PDE1C: variants seen among roughly 807,000 people sequenced by gnomAD.
The protein encoded by PDE1C is phosphodiesterase 1C.
PDE1C carries 62 observed loss-of-function variants against 93.1 expected under a neutral mutation model. That is an observed-to-expected ratio of 0.67 (90% CI 0.54 to 0.82). PDE1C has a LOEUF of 0.82. Ranked by LOEUF, PDE1C falls within the 40% of genes least tolerant of loss-of-function variation. The pLI is 0.00. For missense variants in PDE1C, 742 were observed against 884.6 expected, an observed-to-expected ratio of 0.84 and a Z score of 2.04; for synonymous variants, 325 against 310.1, an observed-to-expected ratio of 1.05 and a Z score of -0.50.
At chr7:31,735,896 C>T in the PDE1C span, among the ~76,000 whole-genome samples, 1 of 152,176 alleles carries the variant, frequency 6.6e-6, no homozygotes, top group Non-Finnish European at 1.5e-5. Flanking sequence ...GCTCAAGTCT[C>T]TTATATAAAG....
chr7:31,713,584 C>T, the PDE1C span, among the ~76,000 whole-genome samples: 3 of 152,184 alleles, frequency 2.0e-5, no homozygotes, highest in Admixed American at 6.5e-5. Context: ...GGCTCCAACC[C>T]CACATTTCCC....
chr7:31,681,933 A>T, the PDE1C span, among the ~76,000 whole-genome samples: 1 of 152,164 alleles, frequency 6.6e-6, no homozygotes, highest in African/African-American at 2.4e-5. Flanking sequence ...GTCTTTTTGA[A>T]AGTGAGTCTC....
the PDE1C span, among the ~76,000 whole-genome samples, chr7:31,645,742 T>A: frequency 6.6e-6 from 1 of 152,146 alleles, no homozygotes; most frequent in African/African-American, 2.4e-5. Context: ...GAGACATTTT[T>A]AGTTGTCACA....
At chr7:31,774,233 C>T (rs940811733) in intron 17 of PDE1C, among the ~76,000 whole-genome samples, 2 of 152,130 alleles carry the variant, frequency 1.3e-5, no homozygotes, top group East Asian at 3.8e-4. Context: ...CAATGTGCCT[C>T]TCAGAATGGA....
intron 12 of PDE1C, among the ~76,000 whole-genome samples, chr7:31,827,463 A>C (rs1006417009): frequency 6.6e-6 from 1 of 152,160 alleles, no homozygotes; most frequent in East Asian, 1.9e-4. Flanking sequence ...TGTTTTTGTA[A>C]CATTTTGCCC....
intron 3 of PDE1C, among the ~76,000 whole-genome samples, chr7:32,118,441 C>A (rs1047281461): frequency 6.6e-6 from 1 of 152,160 alleles, no homozygotes; most frequent in African/African-American, 2.4e-5. Context: ...AGGCTTAGAG[C>A]CGAGTTTGAT....
intron 1 of PDE1C, among the ~76,000 whole-genome samples, chr7:32,315,925 G>C (rs945383749): frequency 1.3e-5 from 2 of 152,162 alleles, no homozygotes; most frequent in African/African-American, 4.8e-5. Context: ...AACCCAGGAG[G>C]CCAAAGTTGT....
chr7:32,222,735 T>A (rs1806967259), intron 1 of PDE1C, among the ~76,000 whole-genome samples: 1 of 151,396 alleles, frequency 6.6e-6, no homozygotes, highest in Non-Finnish European at 1.5e-5. Flanking sequence ...TCATTCCAGC[T>A]GCTTCCCAGA....
At chr7:32,014,986 C>T (rs1787693993) in intron 2 of PDE1C, among the ~76,000 whole-genome samples, 1 of 152,040 alleles carries the variant, frequency 6.6e-6, no homozygotes, top group Non-Finnish European at 1.5e-5. Flanking sequence ...GGGGCAGTTT[C>T]CCCCATGCTG....
intron 2 of PDE1C, among the ~76,000 whole-genome samples, chr7:31,920,026 C>A (rs867942189): frequency 3.9e-4 from 59 of 152,286 alleles, no homozygotes; most frequent in African/African-American, 1.4e-3. Context: ...CACTATTCCT[C>A]TTTCCTTTTC....
chr7:31,967,940 G>C (rs1810286386), intron 2 of PDE1C, among the ~76,000 whole-genome samples: 2 of 152,232 alleles, frequency 1.3e-5, no homozygotes, highest in South Asian at 4.1e-4. Flanking sequence ...CATAAATTAG[G>C]TATTGATGGC....
At chr7:32,009,207 T>C (rs1786722480) in intron 2 of PDE1C, among the ~76,000 whole-genome samples, 1 of 152,230 alleles carries the variant, frequency 6.6e-6, no homozygotes, top group African/African-American at 2.4e-5. Flanking sequence ...AGCCCTGTGG[T>C]TGCCATAGCT....
At chr7:32,056,931 C>T (rs570788755) in intron 1 of PDE1C, among the ~76,000 whole-genome samples, 46 of 152,238 alleles carry the variant, frequency 3.0e-4, no homozygotes, top group Admixed American at 6.5e-4. Flanking sequence ...TGAAACACTG[C>T]CCAGCTTTTC....
intron 3 of PDE1C, among the ~76,000 whole-genome samples, chr7:32,114,407 C>A (rs1316302022): frequency 6.6e-6 from 1 of 151,762 alleles, no homozygotes; most frequent in Non-Finnish European, 1.5e-5. Flanking sequence ...GCTAGGAAAA[C>A]TGCCCAGCCA....
At chr7:31,861,551 C>T (rs1562935394) in intron 7 of PDE1C, among the ~76,000 whole-genome samples, 1 of 152,010 alleles carries the variant, frequency 6.6e-6, no homozygotes, top group East Asian at 1.9e-4. Flanking sequence ...CCCTTTCCTC[C>T]AAAACTTGGT....
intron 2 of PDE1C, among the ~76,000 whole-genome samples, chr7:32,202,876 T>G (rs1805120242): frequency 6.6e-6 from 1 of 152,122 alleles, no homozygotes; most frequent in African/African-American, 2.4e-5. Flanking sequence ...TTAATGTATT[T>G]TAACGTGAAC....
chr7:31,634,797 T>C, the PDE1C span, among the ~76,000 whole-genome samples: 1 of 152,160 alleles, frequency 6.6e-6, no homozygotes, highest in Non-Finnish European at 1.5e-5. Context: ...AAGATCTAGC[T>C]GGAGGAAAAG....
At chr7:32,283,129 T>C (rs561570166) in intron 1 of PDE1C, among the ~76,000 whole-genome samples, 4 of 152,300 alleles carry the variant, frequency 2.6e-5, no homozygotes, top group African/African-American at 9.6e-5. Flanking sequence ...ATGTTATTTG[T>C]GGCAGCAAGA....
intron 1 of PDE1C, among the ~76,000 whole-genome samples, chr7:32,218,104 T>C (rs111310476): frequency 3.3e-5 from 5 of 152,130 alleles, no homozygotes; most frequent in Admixed American, 1.3e-4. Flanking sequence ...CAGTCCCTTG[T>C]CTCCCCTCCA....
Sources: gnomAD v4.1 joint callset for allele counts (sites outside exome capture counted in the v4.1 genomes callset) on GRCh38, gnomAD v4.1.1 for gene constraint, MANE v1.5 for transcripts, NCBI Gene and HGNC (gene_info 2026-07-23, HGNC 2026-07-21) for gene names.